The following PLCL2 variants were observed in gnomAD, a reference collection of about 807,000 sequenced individuals.
PLCL2 encodes the protein phospholipase C like 2.
PLCL2 carries 4 observed loss-of-function variants against 79.6 expected under a neutral mutation model. The ratio of observed to expected loss-of-function variants is 0.05; its 90% CI spans 0.02 to 0.11. The LOEUF (loss-of-function observed/expected upper bound fraction) is 0.11. Among genes scored for constraint, PLCL2 ranks in the 10% least tolerant of loss-of-function variants. The pLI is 1.00. For missense variants in PLCL2, 895 were observed against 1,291.0 expected, an observed-to-expected ratio of 0.69 and a Z score of 4.70; for synonymous variants, 484 against 457.7, an observed-to-expected ratio of 1.06 and a Z score of -0.73.
At chr3:17,074,797 A>G (rs566761309) in intron 5 of PLCL2, among the ~76,000 whole-genome samples, 1 of 152,344 alleles carries the variant, frequency 6.6e-6, no homozygotes, top group East Asian at 1.9e-4. Flanking sequence ...GCTAGCCTCC[A>G]GCTTGTCTTC....
chr3:17,006,848 T>C (rs2125005741), intron 1 of PLCL2, among the ~76,000 whole-genome samples: 1 of 152,350 alleles, frequency 6.6e-6, no homozygotes, highest in African/African-American at 2.4e-5. Flanking sequence ...TGTGTGTATG[T>C]TATTAACTTA....
intron 3 of PLCL2, among the ~76,000 whole-genome samples, chr3:17,023,839 A>G (rs1394077779): frequency 2.0e-5 from 3 of 152,194 alleles, no homozygotes; most frequent in South Asian, 4.1e-4. Context: ...TCCTCATCCA[A>G]GCTCTGAAAC....
At chr3:16,908,925 T>C (rs923817783) in intron 1 of PLCL2, among the ~76,000 whole-genome samples, 1 of 152,198 alleles carries the variant, frequency 6.6e-6, no homozygotes, top group African/African-American at 2.4e-5. Context: ...TATGGTAGTA[T>C]GTGAGAAGCA....
Position 16,888,007 on chromosome 3 carries a change from G to A in PLCL2, c.327+2641G>A, listed in dbSNP as rs551920677. Among the ~76,000 whole-genome samples the A allele has an allele frequency of 5.3e-5, 8 of 152,160 alleles. No individual in the cohort carries two copies. In the South Asian group the frequency reaches 1.0e-3, roughly 20 times the overall value. On this transcript the variant is annotated intron_variant, in intron 1 of 5. Transcript: ENST00000615277. ...GAATGCTACCTGGGGAACTGAGGCC[G>A]GTATTTATGGGGTTGTATTAGTTGA... is the stretch of plus-strand genomic sequence containing the variant.
intron 1 of PLCL2, among the ~76,000 whole-genome samples, chr3:16,921,018 G>C (rs1697113538): frequency 6.6e-6 from 1 of 152,072 alleles, no homozygotes; most frequent in African/African-American, 2.4e-5. Flanking sequence ...GCCATTTTTT[G>C]AAAAGGTGCT....
At chr3:16,940,232 C>CT (rs1407458352) in intron 1 of PLCL2, among the ~76,000 whole-genome samples, 1 of 152,180 alleles carries the variant, frequency 6.6e-6, no homozygotes, top group Admixed American at 6.5e-5. Context: ...CTTCAAAAAA[C>CT]TTTCACTAGA....
intron 1 of PLCL2, among the ~76,000 whole-genome samples, chr3:16,931,895 A>T (rs920972832): frequency 3.3e-5 from 5 of 152,168 alleles, no homozygotes; most frequent in African/African-American, 1.2e-4. Flanking sequence ...CAGTGTGATG[A>T]TTTGAGATAA....
chr3:17,067,658 A>G (rs924027617), intron 4 of PLCL2, among the ~76,000 whole-genome samples: 1 of 152,130 alleles, frequency 6.6e-6, no homozygotes, highest in African/African-American at 2.4e-5. Flanking sequence ...GCAGCTTCCC[A>G]TCTCTGAAGC....
chr3:17,010,779 C>A lies in PLCL2; in HGVS notation c.1433C>A (p.Pro478Gln). 6.2e-7 allele frequency: 1 copy of A among 1,614,092 alleles called. No homozygotes were observed. The change falls in exon 2 of 6, where the codon CCG becomes CAG. Residue 478 changes from proline (P) to glutamine (Q), a missense_variant. Pro to Gln is a moderately conservative substitution (Grantham distance 76). Around this residue, in one of 6 missense-constraint regions of PLCL2, gnomAD observed 242 missense variants for 399.5 expected, o/e 0.61. Transcript: ENST00000615277. The surrounding 1 kb of genome is among the most constrained non-coding windows in gnomAD (Gnocchi z 5.8). ...GTTGAATTAGATGTATGGGATGGGC[C>A]GGACAATGAACCTGTAATTTACACA... ...RSVELDVWDG[P>Q]DNEPVIYTGH...
chr3:17,024,606 A>G (rs1186204015), intron 3 of PLCL2, among the ~76,000 whole-genome samples: 1 of 152,252 alleles, frequency 6.6e-6, no homozygotes, highest in African/African-American at 2.4e-5. Context: ...CAGAAAAGCA[A>G]TGATCAAAGA....
chr3:17,015,169 T>C (rs536755724), intron 3 of PLCL2, among the ~76,000 whole-genome samples: 1 of 152,364 alleles, frequency 6.6e-6, no homozygotes, highest in East Asian at 1.9e-4. Context: ...TCTGAATTGA[T>C]TTTTAAAGGA....
intron 4 of PLCL2, among the ~76,000 whole-genome samples, chr3:17,046,881 A>T (rs1357480469): frequency 1.3e-5 from 2 of 152,162 alleles, no homozygotes; most frequent in East Asian, 3.9e-4. Context: ...AAAAGACAGG[A>T]ACTGTGTAGA....
chr3:17,014,654 G>C (rs1356950881), intron 2 of PLCL2, 54 bp from the exon 3 acceptor site: 1 of 1,341,512 alleles, frequency 7.5e-7, no homozygotes. Context: ...TAATATCCAT[G>C]AGAAAGTAAA....
chr3:17,081,566 G>A, intron 5 of PLCL2: 1 of 206,666 alleles, frequency 4.8e-6, no homozygotes, highest in Non-Finnish European at 9.9e-6. Context: ...CTAAAATGTA[G>A]CACTAACAGA....
At chr3:17,071,418 T>G (rs1304464181) in intron 5 of PLCL2, among the ~76,000 whole-genome samples, 2 of 151,990 alleles carry the variant, frequency 1.3e-5, no homozygotes, top group Non-Finnish European at 1.5e-5. Context: ...ACTATTAACA[T>G]CTTGGCATAC....
chr3:16,929,367 A>C (rs1697342181), intron 1 of PLCL2, among the ~76,000 whole-genome samples: 1 of 152,138 alleles, frequency 6.6e-6, no homozygotes, highest in Non-Finnish European at 1.5e-5. Flanking sequence ...TAAATCCTGA[A>C]AGGCAAGAAA....
At chr3:17,030,033 C>T (rs138946738) in intron 3 of PLCL2, among the ~76,000 whole-genome samples, 7 of 152,260 alleles carry the variant, frequency 4.6e-5, no homozygotes, top group Non-Finnish European at 8.8e-5. Context: ...AGCAGATGAG[C>T]CCCTGCTAAT....
intron 5 of PLCL2, among the ~76,000 whole-genome samples, chr3:17,089,176 G>A (rs988523915): frequency 1.3e-5 from 2 of 152,112 alleles, no homozygotes; most frequent in Non-Finnish European, 2.9e-5. Context: ...TGGTTGCCAC[G>A]GTGGTTACGT....
intron 1 of PLCL2, among the ~76,000 whole-genome samples, chr3:16,979,660 T>TCAC: frequency 7.1e-6 from 1 of 140,828 alleles, no homozygotes. Flanking sequence ...GGGGGTAAGG[T>TCAC]CACCGATCAA....
Sources: allele counts gnomAD v4.1 joint callset (sites outside exome capture counted in the v4.1 genomes callset), GRCh38; gene constraint gnomAD v4.1.1; regional missense constraint gnomAD v4.1.1; non-coding constraint Gnocchi (gnomAD v3.1); transcripts MANE v1.5; gene names NCBI Gene and HGNC (gene_info 2026-07-23, HGNC 2026-07-21).